RAPGEF2: variants seen among roughly 807,000 people sequenced by gnomAD.
The protein encoded by RAPGEF2 is PDZ domain containing guanine nucleotide exchange factor (GEF) 1.
A neutral mutation model predicts 186.7 loss-of-function variants in RAPGEF2; 54 were observed. The observed-to-expected ratio is 0.29, with a 90% CI of 0.23 to 0.36. The LOEUF is 0.36. Among genes scored for constraint, RAPGEF2 ranks in the 10% least tolerant of loss-of-function variants. The pLI is 1.00. For missense variants in RAPGEF2, 1,532 were observed against 2,045.0 expected (o/e 0.75, Z 4.84); for synonymous variants, 712 against 705.9 (o/e 1.01, Z -0.14).
At position 159,249,203 on chromosome 4, in the gene RAPGEF2, C is replaced by T. The variant is rs113130481; in HGVS notation, c.543+5412C>T. Among the ~76,000 whole-genome samples, 495 of 148,814 alleles carry T rather than the reference C, an allele frequency of 3.3e-3. 2 individuals are homozygous for T. The highest frequency in any genetic ancestry group is 0.011 in the African/African-American group (444 of 40,084). On this transcript the variant is annotated intron_variant, in intron 7 of 29. Coordinates refer to ENST00000691494, the MANE Select transcript of RAPGEF2 (RefSeq NM_001394067.2). ...CAACAGCGAAGATGCTTTTCATCTT[C>T]GACTGTTTCATTTCTTATCATGTGA...
intron 17 of RAPGEF2, among the ~76,000 whole-genome samples, chr4:159,334,181 TAACCTTCGTTGATGAA>T (rs1217406426): frequency 6.6e-6 from 1 of 152,226 alleles, no homozygotes; most frequent in East Asian, 1.9e-4. Context: ...ATTTTTAAAA[TAACCTTCGTTGATGAA>T]AACCTTATTT....
chr4:159,268,407 A>C (rs1382030402), intron 7 of RAPGEF2, among the ~76,000 whole-genome samples: 1 of 152,212 alleles, frequency 6.6e-6, no homozygotes, highest in Non-Finnish European at 1.5e-5. Context: ...AATTTGAAGC[A>C]AGACCAGCAA....
At chr4:159,332,115 G>T in intron 16 of RAPGEF2, 81 bp downstream of exon 16, 1 of 912,586 alleles carries the variant, frequency 1.1e-6, no homozygotes. Context: ...AAGCATATAT[G>T]GTAAAAGCAT....
Position 159,314,776 on chromosome 4 carries a change from T to C in RAPGEF2, c.853+8T>C. Reference sequence around the variant, plus strand: ...GGACAGATGATGACATTGGTAAGCTTGAACAGGAAAATGAATCTACGAGCA... The same window carrying C: ...GGACAGATGATGACATTGGTAAGCTCGAACAGGAAAATGAATCTACGAGCA... On this transcript the variant is annotated splice_region_variant and intron_variant, in intron 9 of 29. Transcript: ENST00000691494. 1 of 1,574,526 alleles carries C rather than the reference T, an allele frequency of 6.4e-7. No individual in the cohort carries two copies. Among genetic ancestry groups the C allele is most frequent in the South Asian group, 1.2e-5 (1 of 84,882 alleles).
At chr4:159,209,558 G>A (rs1235209176) in intron 3 of RAPGEF2, among the ~76,000 whole-genome samples, 1 of 152,168 alleles carries the variant, frequency 6.6e-6, no homozygotes, top group Non-Finnish European at 1.5e-5. Context: ...CGTGAGGGCA[G>A]GGATCTTTTT....
chr4:159,105,913 A>AGTG (rs1737815146), intron 1 of RAPGEF2, among the ~76,000 whole-genome samples: 1 of 152,232 alleles, frequency 6.6e-6, no homozygotes, highest in African/African-American at 2.4e-5. Context: ...AGAAGGGGGA[A>AGTG]GTGGTGCATT....
intron 25 of RAPGEF2, among the ~76,000 whole-genome samples, chr4:159,348,721 C>T (rs1730752694): frequency 6.6e-6 from 1 of 152,150 alleles, no homozygotes; most frequent in African/African-American, 2.4e-5. Context: ...ATGTAGATGT[C>T]TCTGAGTATA....
chr4:159,191,719 C>T (rs1748146277), intron 2 of RAPGEF2, among the ~76,000 whole-genome samples: 1 of 151,944 alleles, frequency 6.6e-6, no homozygotes, highest in South Asian at 2.1e-4. Flanking sequence ...AGCCTGGTGA[C>T]AGAGTGAGAC....
At chr4:159,198,459 T>C (rs1313075891) in intron 3 of RAPGEF2, among the ~76,000 whole-genome samples, 1 of 151,188 alleles carries the variant, frequency 6.6e-6, no homozygotes, top group Non-Finnish European at 1.5e-5. Flanking sequence ...TACTGTTTTT[T>C]TCTTGAGGCA....
chr4:159,220,862 T>C (rs568698778), intron 4 of RAPGEF2, among the ~76,000 whole-genome samples: 7 of 152,288 alleles, frequency 4.6e-5, no homozygotes, highest in African/African-American at 1.7e-4. Context: ...TAACTTGACC[T>C]TTAAAAAAAT....
intron 1 of RAPGEF2, among the ~76,000 whole-genome samples, chr4:159,153,596 T>G (rs1318868017): frequency 6.6e-6 from 1 of 152,222 alleles, no homozygotes; most frequent in Non-Finnish European, 1.5e-5. Flanking sequence ...TGAGAGTCTC[T>G]TATCCTAATC....
At chr4:159,174,729 A>G (rs769683176) in intron 1 of RAPGEF2, among the ~76,000 whole-genome samples, 1 of 150,702 alleles carries the variant, frequency 6.6e-6, no homozygotes, top group South Asian at 2.1e-4. Flanking sequence ...ATTTACTTCT[A>G]GCATTCTTCA....
chr4:159,136,075 A>T (rs1329477344), intron 1 of RAPGEF2, among the ~76,000 whole-genome samples: 3 of 152,128 alleles, frequency 2.0e-5, no homozygotes, highest in African/African-American at 7.2e-5. Context: ...TTTTATTTGG[A>T]TTTTGCCAGA....
chr4:159,341,564 G>A lies in RAPGEF2; in HGVS notation c.2535G>A (p.Arg845=), dbSNP rs1419006202. 6.3e-7 allele frequency: 1 copy of A among 1,586,716 alleles called. No individual in the cohort carries two copies. Among genetic ancestry groups the A allele is most frequent in the East Asian group, 2.2e-5 (1 of 44,716 alleles). The part of the protein sequence containing the change: ...KLADRIQLSG[R]YYLKNNMETE... ...TCTGATATGTTTCTGTTTTTCATAG[G>A]TATTATCTGAAAAACAACATGGAAA... The change falls in exon 20 of 30, where the codon AGG becomes AGA. Residue 845 remains arginine, a splice_region_variant and synonymous_variant. Coordinates refer to ENST00000691494, the MANE Select transcript of RAPGEF2 (RefSeq NM_001394067.2).
chr4:159,304,468 T>C lies in RAPGEF2; in HGVS notation c.670T>C (p.Tyr224His). ...DSGSSSLSDI[Y>H]QATESEAGDM... is the part of the protein sequence containing the mutation. Reference sequence around the variant, plus strand: ...TGGGAGCAGCAGTCTTTCTGATATCTACCAGGTAAGAGGATGTTTTCCTTG... The same window carrying C: ...TGGGAGCAGCAGTCTTTCTGATATCCACCAGGTAAGAGGATGTTTTCCTTG... Residue 224 changes from tyrosine to histidine, a missense_variant, in exon 8 of 30, where the codon TAC becomes CAC. Coordinates refer to ENST00000691494, the MANE Select transcript of RAPGEF2 (RefSeq NM_001394067.2). 6.2e-7 allele frequency: 1 copy of C among 1,603,852 alleles called. No individual in the cohort carries two copies. The highest frequency in any genetic ancestry group is 8.5e-7 in the Non-Finnish European group (1 of 1,171,826).
rs1579353928 is a variant in RAPGEF2, at chr4:159,167,127, C to G, written c.70-19515C>G. The stretch of plus-strand genomic sequence containing the variant: ...GAGACTTTACAGGATTAAAAAAAAC[C>G]ACGACTCATTAAATGTGTGAAAAAA... On this transcript the variant is annotated intron_variant, in intron 1 of 29. Transcript: ENST00000691494. Among the ~76,000 whole-genome samples the G allele has an allele frequency of 2.0e-5, 3 of 152,038 alleles. 1 individual carries two copies. The South Asian group carries it at 6.2e-4, about 32-fold the overall frequency.
intron 1 of RAPGEF2, among the ~76,000 whole-genome samples, chr4:159,127,175 C>T (rs781531202): frequency 9.9e-5 from 15 of 152,110 alleles, no homozygotes; most frequent in Non-Finnish European, 1.9e-4. Context: ...TACAGGCACA[C>T]GCCACCACAC....
intron 7 of RAPGEF2, among the ~76,000 whole-genome samples, chr4:159,264,186 A>C (rs1271195039): frequency 2.0e-5 from 3 of 152,192 alleles, no homozygotes; most frequent in African/African-American, 7.2e-5. Flanking sequence ...GTTTCAACAT[A>C]CAAGATAGTG....
intron 1 of RAPGEF2, among the ~76,000 whole-genome samples, chr4:159,122,739 T>C (rs1353754454): frequency 6.6e-6 from 1 of 152,220 alleles, no homozygotes; most frequent in Non-Finnish European, 1.5e-5. Context: ...AAGTGATCTT[T>C]TGTGGATCTA....
Sources: allele counts gnomAD v4.1 joint callset (sites outside exome capture counted in the v4.1 genomes callset), GRCh38; gene constraint gnomAD v4.1.1; transcripts MANE v1.5; gene names NCBI Gene and HGNC (gene_info 2026-07-23, HGNC 2026-07-21).